CAPZA1: variants seen among roughly 807,000 people sequenced by gnomAD.
CAPZA1 encodes the protein capping actin protein of muscle Z-line subunit alpha 1, also known as F-actin-capping protein subunit alpha-1.
Under a neutral mutation model 40.8 loss-of-function variants are expected in CAPZA1, and 10 were observed. The observed-to-expected ratio is 0.25, with a 90% CI of 0.15 to 0.42. CAPZA1 has a LOEUF of 0.42. Among genes scored for constraint, CAPZA1 ranks in the 10% least tolerant of loss-of-function variants. CAPZA1 has a pLI of 1.00. For missense variants in CAPZA1, 277 were observed against 353.8 expected, an observed-to-expected ratio of 0.78 and a Z score of 1.74; for synonymous variants, 98 against 115.0, an observed-to-expected ratio of 0.85 and a Z score of 0.95.
intron 9 of CAPZA1, 43 bp downstream of exon 9, chr1:112,669,648 T>C (rs993713513): frequency 3.0e-6 from 4 of 1,346,024 alleles, no homozygotes; most frequent in Non-Finnish European, 4.3e-6. Context: ...TACTATCTTA[T>C]TATTTCGCTG....
At chr1:112,648,753 A>G (rs1257432412) in intron 2 of CAPZA1, among the ~76,000 whole-genome samples, 4 of 149,922 alleles carry the variant, frequency 2.7e-5, no homozygotes, top group African/African-American at 9.8e-5. Context: ...GCCTTAGGTC[A>G]GGAGTTCGAA....
At chr1:112,658,658 C>T (rs1671542466) in intron 5 of CAPZA1, among the ~76,000 whole-genome samples, 1 of 152,198 alleles carries the variant, frequency 6.6e-6, no homozygotes. Context: ...GTCCACTTCA[C>T]ACACACCCTT....
chr1:112,644,944 G>A (rs1373757807), intron 1 of CAPZA1, among the ~76,000 whole-genome samples: 1 of 152,180 alleles, frequency 6.6e-6, no homozygotes, highest in Non-Finnish European at 1.5e-5. Context: ...TAGATTAACT[G>A]GAGAATTGCT....
Position 112,659,726 on chromosome 1 carries a change from A to G in CAPZA1, c.532A>G (p.Lys178Glu). Reference protein sequence around the residue: ...FWNGRWRSEWKFTITPPTAQV... With the variant: ...FWNGRWRSEWEFTITPPTAQV... Reference sequence around the variant, plus strand: ...GAATGGTCGTTGGAGATCAGAGTGGAAGTTCACCATCACACCACCTACAGC... The same window carrying G: ...GAATGGTCGTTGGAGATCAGAGTGGGAGTTCACCATCACACCACCTACAGC... Residue 178 changes from lysine to glutamate, a missense_variant, in exon 7 of 10, where the codon AAG (lysine) becomes GAG (glutamate). Coordinates refer to ENST00000263168, the MANE Select transcript of CAPZA1 (RefSeq NM_006135.3). 1 of 1,613,558 alleles carries G rather than the reference A, an allele frequency of 6.2e-7. No individual in the cohort carries two copies. Among genetic ancestry groups the G allele is most frequent in the Non-Finnish European group, 8.5e-7 (1 of 1,179,898 alleles).
chr1:112,645,302 A>G lies in CAPZA1; in HGVS notation c.40-1908A>G, dbSNP rs1671259092. On this transcript the variant is annotated intron_variant, in intron 1 of 9. Transcript: ENST00000263168. ...CAATGAGGATAGGATCTAAATTTTT[A>G]GGAAACAATCAGTAGAACAAGACTT... 5.9e-5 allele frequency among the ~76,000 whole-genome samples: 9 copies of G among 152,344 alleles called. No homozygotes were observed. In the South Asian group the frequency reaches 1.9e-3, roughly 32 times the overall value.
At chr1:112,640,287 G>A (rs539594053) in intron 1 of CAPZA1, among the ~76,000 whole-genome samples, 44 of 97,190 alleles carry the variant, frequency 4.5e-4, no homozygotes, top group East Asian at 6.4e-4. Context: ...CCCTCTGCCC[G>A]GCCAGCCGCC....
rs1376790222 is a variant in CAPZA1, at chr1:112,629,213, C to CT, written c.39+9331dup. Among the ~76,000 whole-genome samples, 83 of 152,318 alleles carry CT rather than the reference C, an allele frequency of 5.4e-4. 2 individuals are homozygous for CT. Among genetic ancestry groups the CT allele is most frequent in the Non-Finnish European group, 1.6e-4 (11 of 68,028 alleles). On this transcript the variant is annotated intron_variant, in intron 1 of 9. Coordinates refer to ENST00000263168, the MANE Select transcript of CAPZA1 (RefSeq NM_006135.3). ...TCTTTGTTCCAATCACGTATTCTCG[C>CT]TGAATAATCTTTGCATTTGTTCTTT...
At chr1:112,623,017 C>T (rs1041393851) in intron 1 of CAPZA1, among the ~76,000 whole-genome samples, 11 of 152,042 alleles carry the variant, frequency 7.2e-5, no homozygotes, top group African/African-American at 2.7e-4. Context: ...TCCCAAGTAG[C>T]TGGGATTACA....
intron 1 of CAPZA1, among the ~76,000 whole-genome samples, chr1:112,639,829 C>A (rs1570708554): frequency 4.0e-5 from 6 of 149,674 alleles, no homozygotes; most frequent in Non-Finnish European, 8.9e-5. Context: ...TGAGGAGCCC[C>A]TCTGCCCGGC....
intron 1 of CAPZA1, among the ~76,000 whole-genome samples, chr1:112,646,183 A>G (rs1396640684): frequency 2.6e-5 from 4 of 152,214 alleles, no homozygotes; most frequent in Non-Finnish European, 5.9e-5. Flanking sequence ...GACAGAGGCT[A>G]GGTTGAATAA....
rs1330863170 is a variant in CAPZA1 at position 112,670,261 on chromosome 1, C to T, written c.*129C>T. ...TTTCAAAGTTAACCGGTTTTCTAGCCTCATGGAATACTGTTGAACCTATAG... is the reference window on the plus strand; with the variant it reads ...TTTCAAAGTTAACCGGTTTTCTAGCTTCATGGAATACTGTTGAACCTATAG... On this transcript the variant is annotated 3_prime_UTR_variant, in exon 10 of 10. Coordinates refer to ENST00000263168, the MANE Select transcript of CAPZA1 (RefSeq NM_006135.3). 2.0e-6 allele frequency: 2 copies of T among 995,594 alleles called. No homozygotes were observed. The highest frequency in any genetic ancestry group is 1.6e-5 in the African/African-American group (1 of 60,982). The allele number at this position is 995,594 out of a possible 1,614,324, so 61.7% of individuals were successfully genotyped here.
At chr1:112,656,682 C>T (rs1241751037) in intron 5 of CAPZA1, among the ~76,000 whole-genome samples, 1 of 151,870 alleles carries the variant, frequency 6.6e-6, no homozygotes, top group African/African-American at 2.4e-5. Context: ...GTGTCCTTAG[C>T]TATCAAATGA....
chr1:112,650,820 T>C (rs540571790), intron 3 of CAPZA1, among the ~76,000 whole-genome samples: 1 of 152,362 alleles, frequency 6.6e-6, no homozygotes, highest in South Asian at 2.1e-4. Context: ...GTATGTAGCT[T>C]CTCGGCCTTT....
At chr1:112,639,742 T>C (rs544145921) in intron 1 of CAPZA1, among the ~76,000 whole-genome samples, 1 of 151,682 alleles carries the variant, frequency 6.6e-6, no homozygotes, top group East Asian at 1.9e-4. Flanking sequence ...CATGCTCCTT[T>C]TTTTATTAAA....
At position 112,660,280 on chromosome 1, in the gene CAPZA1, CTGAT is replaced by C. The variant is rs974370504; in HGVS notation, c.585+511_585+514del. 8.6e-5 allele frequency among the ~76,000 whole-genome samples: 13 copies of C among 151,602 alleles called. No homozygotes were observed. The South Asian group carries it at 2.3e-3, about 27-fold the overall frequency. ...ATTGATTGATTGATTGATTGATTGA[CTGAT>C]TGATTGATTTTTGAGATGGAGTTTT... is the stretch of plus-strand genomic sequence containing the variant. On this transcript the variant is annotated intron_variant, in intron 7 of 9. Transcript: ENST00000263168.
intron 2 of CAPZA1, among the ~76,000 whole-genome samples, chr1:112,648,895 G>A (rs563347318): frequency 1.1e-4 from 16 of 152,128 alleles, no homozygotes; most frequent in African/African-American, 3.1e-4. Flanking sequence ...CTGGGGAAGC[G>A]GAGGTTGGAA....
chr1:112,640,161 G>T (rs1671117683), intron 1 of CAPZA1, among the ~76,000 whole-genome samples: 1 of 121,186 alleles, frequency 8.3e-6, no homozygotes, highest in African/African-American at 3.2e-5. Context: ...CCCCCACCCG[G>T]CCAGCCGCCC....
intron 1 of CAPZA1, among the ~76,000 whole-genome samples, chr1:112,630,370 G>T (rs1362458042): frequency 6.6e-6 from 1 of 151,716 alleles, no homozygotes; most frequent in Non-Finnish European, 1.5e-5. Context: ...TTGTTAGAGA[G>T]TCTCACTCTT....
chr1:112,669,573 A>G lies in CAPZA1; in HGVS notation c.688A>G (p.Lys230Glu), dbSNP rs200442249. ...NEAQTAKEFI[K>E]IIENAENEYQ... ...AGCCCAAACTGCCAAGGAGTTTATT[A>G]AAATCATAGAGAATGCAGAAAATGA... The change falls in exon 9 of 10, where the codon AAA (lysine) becomes GAA (glutamate). Residue 230 changes from lysine to glutamate, a missense_variant. Coordinates refer to ENST00000263168, the MANE Select transcript of CAPZA1 (RefSeq NM_006135.3). The G allele has an allele frequency of 1.7e-4, 277 of 1,610,520 alleles. No homozygotes were observed. Among genetic ancestry groups the G allele is most frequent in the Non-Finnish European group, 2.2e-4 (259 of 1,177,334 alleles).
Sources: gnomAD v4.1 joint callset for allele counts (sites outside exome capture counted in the v4.1 genomes callset) on GRCh38, gnomAD v4.1.1 for gene constraint, MANE v1.5 for transcripts, NCBI Gene and HGNC (gene_info 2026-07-23, HGNC 2026-07-21) for gene names.